The following RUNX1 variants were observed in gnomAD, a reference collection of about 807,000 sequenced individuals.
RUNX1 encodes the protein runt-related transcription factor 1.
A neutral mutation model predicts 42.8 loss-of-function variants in RUNX1; 19 were observed. That is an observed-to-expected ratio of 0.44 (90% CI 0.31 to 0.65). The LOEUF (loss-of-function observed/expected upper bound fraction) is 0.65. Among genes scored for constraint, RUNX1 ranks in the 30% least tolerant of loss-of-function variants. RUNX1 has a pLI of 0.07. For synonymous variants in RUNX1, 271 were observed against 289.4 expected (o/e 0.94, Z 0.64); for missense variants, 528 against 672.0 (o/e 0.79, Z 2.37).
At chr21:34,917,342 G>C (rs2058319129) in intron 2 of RUNX1, among the ~76,000 whole-genome samples, 1 of 152,222 alleles carries the variant, frequency 6.6e-6, no homozygotes, top group Non-Finnish European at 1.5e-5. Context: ...CTAGACATTG[G>C]GGTGAGGCTA....
intron 7 of RUNX1, among the ~76,000 whole-genome samples, chr21:34,803,858 TGCA>T (rs1170309696): frequency 2.0e-5 from 3 of 152,224 alleles, no homozygotes; most frequent in African/African-American, 7.2e-5. Flanking sequence ...TATCTTTTGA[TGCA>T]GCAATATTAA....
At chr21:34,890,017 G>T (rs1397405678) in intron 3 of RUNX1, among the ~76,000 whole-genome samples, 1 of 152,024 alleles carries the variant, frequency 6.6e-6, no homozygotes, top group Admixed American at 6.5e-5. Context: ...ACCTCACGGG[G>T]CCCCTGACGC....
At chr21:34,871,298 G>C (rs1205437724) in intron 5 of RUNX1, among the ~76,000 whole-genome samples, 3 of 152,146 alleles carry the variant, frequency 2.0e-5, no homozygotes. Flanking sequence ...CTCCCATTTG[G>C]ATAGTTAATG....
chr21:34,981,253 C>T (rs1199218221), intron 2 of RUNX1, among the ~76,000 whole-genome samples: 1 of 152,178 alleles, frequency 6.6e-6, no homozygotes, highest in African/African-American at 2.4e-5. Flanking sequence ...CTTTGGAGTC[C>T]TTGTTCCAAC....
intron 3 of RUNX1, among the ~76,000 whole-genome samples, chr21:34,890,746 C>G (rs1485329150): frequency 7.3e-6 from 1 of 137,588 alleles, no homozygotes; most frequent in Non-Finnish European, 1.6e-5. Context: ...CCCGCCCAAA[C>G]GTCCACTTTC....
rs150093297 is a variant in RUNX1 at position 34,848,254 on chromosome 21, C to G, written c.613+11220G>C. Among the ~76,000 whole-genome samples the G allele has an allele frequency of 2.0e-5, 3 of 152,340 alleles. No homozygotes were observed. The East Asian group carries it at 5.8e-4, about 29-fold the overall frequency. Reference sequence around the variant, plus strand: ...GCCAGGCTGAATCAGGAAGCCAGCTCTGGAGCTTCGCCATCAGCCACTGCT... The same window carrying G: ...GCCAGGCTGAATCAGGAAGCCAGCTGTGGAGCTTCGCCATCAGCCACTGCT... On this transcript the variant is annotated intron_variant, in intron 6 of 8. Transcript: ENST00000675419.
chr21:35,041,301 C>A (rs899080692), intron 2 of RUNX1, among the ~76,000 whole-genome samples: 5 of 152,336 alleles, frequency 3.3e-5, no homozygotes, highest in South Asian at 2.1e-4. Context: ...GATTTAGAAT[C>A]AATTTAACAT....
intron 2 of RUNX1, among the ~76,000 whole-genome samples, chr21:34,949,049 C>A (rs778935634): frequency 6.6e-6 from 1 of 151,892 alleles, no homozygotes; most frequent in African/African-American, 2.4e-5. Context: ...CCACTGTGCC[C>A]GGCCGGGATG....
At chr21:34,887,414 G>C in intron 3 of RUNX1, 1 of 1,370,386 alleles carries the variant, frequency 7.3e-7, no homozygotes, top group South Asian at 1.7e-5. Context: ...TGCTTGCAGA[G>C]GTTAAGTTCT....
chr21:34,927,903 T>C (rs2058408022), intron 2 of RUNX1, among the ~76,000 whole-genome samples: 1 of 152,202 alleles, frequency 6.6e-6, no homozygotes, highest in Admixed American at 6.5e-5. Flanking sequence ...TCTCAAAATA[T>C]ACTGCACGTT....
At position 34,918,934 on chromosome 21, in the gene RUNX1, T is replaced by C. The variant is rs913797791; in HGVS notation, c.59-25971A>G. 2.6e-5 allele frequency among the ~76,000 whole-genome samples: 4 copies of C among 152,202 alleles called. 1 individual carries two copies. Among genetic ancestry groups the C allele is most frequent in the East Asian group, 3.9e-4 (2 of 5,170 alleles). ...AAATAAAATACAATAAAAGGATACA[T>C]GAAATGTATGTGTGAAATGACAGTA... On this transcript the variant is annotated intron_variant, in intron 2 of 8. Coordinates refer to ENST00000675419, the MANE Select transcript of RUNX1 (RefSeq NM_001754.5).
intron 4 of RUNX1, 100 bp downstream of exon 4, chr21:34,886,743 T>C (rs1174723225): frequency 6.3e-7 from 1 of 1,580,192 alleles, no homozygotes; most frequent in African/African-American, 1.4e-5. Context: ...GGGGCCCCTT[T>C]CCAGAATCCG....
In RUNX1 at chr21:34,790,835, T is replaced by C. The variant is rs540270111; in HGVS notation, c.*1300A>G. The C allele has an allele frequency of 4.3e-6, 1 of 233,296 alleles. No homozygotes were observed. Among genetic ancestry groups the C allele is most frequent in the Admixed American group, 5.6e-5 (1 of 17,812 alleles). The allele number at this position is 233,296 out of a possible 1,614,324, so 14.5% of individuals were successfully genotyped here. ...ATCGTAACCCCTAAATTCATTGATTTGGTTCCTATGTAAATGTGGCTCCCC... is the reference window on the plus strand; with the variant it reads ...ATCGTAACCCCTAAATTCATTGATTCGGTTCCTATGTAAATGTGGCTCCCC... On this transcript the variant is annotated 3_prime_UTR_variant, in exon 9 of 9. Transcript: ENST00000675419.
Position 35,026,531 on chromosome 21 carries a change from G to T in RUNX1, c.58+22311C>A, listed in dbSNP as rs151154301. Among the ~76,000 whole-genome samples the T allele has an allele frequency of 7.6e-3, 1,155 of 152,174 alleles. 13 individuals are homozygous for T. Among genetic ancestry groups the T allele is most frequent in the African/African-American group, 0.026 (1,091 of 41,510 alleles). On this transcript the variant is annotated intron_variant, in intron 2 of 8. Coordinates refer to ENST00000675419, the MANE Select transcript of RUNX1 (RefSeq NM_001754.5). ...GTATTTCTTTCTTTCTTTTTAAATT[G>T]TTATTTATTTATTTATTTTAACCAG...
chr21:35,033,756 A>T (rs1418740173), intron 2 of RUNX1, among the ~76,000 whole-genome samples: 1 of 152,178 alleles, frequency 6.6e-6, no homozygotes, highest in Non-Finnish European at 1.5e-5. Flanking sequence ...AGGTCCTTGA[A>T]ATCTATCATT....
At chr21:34,824,864 G>T (rs2056964993) in intron 7 of RUNX1, among the ~76,000 whole-genome samples, 1 of 152,202 alleles carries the variant, frequency 6.6e-6, no homozygotes, top group Admixed American at 6.5e-5. Flanking sequence ...TCATGTAGAT[G>T]AGTAAAACCA....
chr21:35,002,698 G>C (rs2059055589), intron 2 of RUNX1, among the ~76,000 whole-genome samples: 1 of 152,050 alleles, frequency 6.6e-6, no homozygotes, highest in Non-Finnish European at 1.5e-5. Flanking sequence ...AAACTGCTGG[G>C]ATTACAGGCG....
At chr21:34,821,283 G>C in intron 7 of RUNX1, 1 of 1,089,800 alleles carries the variant, frequency 9.2e-7, no homozygotes, top group Non-Finnish European at 1.1e-6. Flanking sequence ...CAATAATAGT[G>C]AAAAAGAATA....
intron 5 of RUNX1, among the ~76,000 whole-genome samples, chr21:34,866,710 A>G (rs1217801831): frequency 6.6e-6 from 1 of 152,182 alleles, no homozygotes; most frequent in Non-Finnish European, 1.5e-5. Flanking sequence ...CAACTTGCAC[A>G]TAATTTCCTG....
Sources: gnomAD v4.1 joint callset for allele counts (sites outside exome capture counted in the v4.1 genomes callset) on GRCh38, gnomAD v4.1.1 for gene constraint, MANE v1.5 for transcripts, NCBI Gene and HGNC (gene_info 2026-07-23, HGNC 2026-07-21) for gene names.